Variants in KIF20B observed in about 807,000 individuals in gnomAD.
The protein encoded by KIF20B is kinesin family member 20B.
KIF20B carries 188 observed loss-of-function variants against 232.5 expected under a neutral mutation model. The ratio of observed to expected loss-of-function variants is 0.81; its 90% CI spans 0.72 to 0.91. The LOEUF is 0.91. Among genes scored for constraint, KIF20B ranks in the 40% least tolerant of loss-of-function variants. KIF20B has a pLI of 0.00. For synonymous variants in KIF20B, 712 were observed against 683.0 expected, an observed-to-expected ratio of 1.04 and a Z score of -0.66; for missense variants, 2,154 against 2,055.9, an observed-to-expected ratio of 1.05 and a Z score of -0.92.
chr10:89,716,392 C>T (rs1454120888), intron 8 of KIF20B, 44 bp from the exon 9 acceptor site: 1 of 833,958 alleles, frequency 1.2e-6, no homozygotes, highest in East Asian at 2.7e-5. Context: ...AGAACACATT[C>T]TTTGTCTCAA....
intron 29 of KIF20B, among the ~76,000 whole-genome samples, chr10:89,767,820 A>G (rs985087645): frequency 1.3e-5 from 2 of 152,056 alleles, no homozygotes; most frequent in Non-Finnish European, 2.9e-5. Context: ...AGATGCTTGT[A>G]TTATTTGGGA....
At chr10:89,724,775 C>T (rs1185394297) in intron 14 of KIF20B, among the ~76,000 whole-genome samples, 3 of 151,958 alleles carry the variant, frequency 2.0e-5, no homozygotes, top group Admixed American at 6.6e-5. Context: ...CACCACCACG[C>T]CCAGCTAATT....
At chr10:89,773,278 A>T (rs1842503050) in intron 32 of KIF20B, among the ~76,000 whole-genome samples, 1 of 152,018 alleles carries the variant, frequency 6.6e-6, no homozygotes, top group South Asian at 2.1e-4. Context: ...TCTATGATTC[A>T]TTCTCCTGAT....
intron 11 of KIF20B, among the ~76,000 whole-genome samples, chr10:89,718,120 G>A (rs573123620): frequency 6.6e-6 from 1 of 152,240 alleles, no homozygotes; most frequent in African/African-American, 2.4e-5. Context: ...TCTATTTAGG[G>A]TGTTTCATGA....
chr10:89,716,062 A>G (rs1842928034), intron 8 of KIF20B, among the ~76,000 whole-genome samples: 1 of 152,288 alleles, frequency 6.6e-6, no homozygotes, highest in South Asian at 2.1e-4. Context: ...ATCTGATTTT[A>G]TGATTCACTA....
chr10:89,739,220 T>A, intron 21 of KIF20B, 124 bp downstream of exon 21: 1 of 1,061,820 alleles, frequency 9.4e-7, no homozygotes. Context: ...TTTCTTAAAA[T>A]TACAAGAACA....
intron 23 of KIF20B, among the ~76,000 whole-genome samples, chr10:89,749,592 C>G (rs1259029960): frequency 6.6e-6 from 1 of 152,182 alleles, no homozygotes; most frequent in African/African-American, 2.4e-5. Flanking sequence ...CAGCTCCTAT[C>G]AGCCACTAAT....
At chr10:89,724,152 T>G in intron 14 of KIF20B, 49 bp downstream of exon 14, 1 of 1,398,892 alleles carries the variant, frequency 7.1e-7, no homozygotes, top group Admixed American at 2.8e-5. Flanking sequence ...TTTTATTTAG[T>G]TTTTTAGTTT....
chr10:89,741,831 C>T (rs896990672), intron 21 of KIF20B, among the ~76,000 whole-genome samples: 1 of 152,346 alleles, frequency 6.6e-6, no homozygotes, highest in East Asian at 1.9e-4. Flanking sequence ...CTTTGCCTAG[C>T]ATATCCACAT....
At chr10:89,745,299 C>G (rs372668594) in intron 22 of KIF20B, among the ~76,000 whole-genome samples, 1 of 152,162 alleles carries the variant, frequency 6.6e-6, no homozygotes, top group Non-Finnish European at 1.5e-5. Context: ...CCGAGGCAGA[C>G]GGATCACAAG....
At chr10:89,733,087 T>TA in intron 19 of KIF20B, 31 bp downstream of exon 19, 1 of 1,610,872 alleles carries the variant, frequency 6.2e-7, no homozygotes, top group South Asian at 1.1e-5. Context: ...AGCAGGCGTT[T>TA]AAGAAAGCTA....
chr10:89,746,708 T>C (rs1053692038), intron 23 of KIF20B, among the ~76,000 whole-genome samples: 1 of 152,228 alleles, frequency 6.6e-6, no homozygotes, highest in African/African-American at 2.4e-5. Context: ...CCTGCCTTTC[T>C]GTACCCAGCA....
At chr10:89,708,426 G>A (rs1436541782) in intron 2 of KIF20B, among the ~76,000 whole-genome samples, 2 of 152,112 alleles carry the variant, frequency 1.3e-5, no homozygotes, top group African/African-American at 4.8e-5. Flanking sequence ...GGTCAGGCTG[G>A]TCTCGAACTC....
At chr10:89,740,233 CTTTT>C (rs35967236) in intron 21 of KIF20B, among the ~76,000 whole-genome samples, 4 of 135,264 alleles carry the variant, frequency 3.0e-5, no homozygotes, top group African/African-American at 5.5e-5. Context: ...ATTGTGCTGT[CTTTT>C]TTTTTTTTTT....
At chr10:89,737,113 A>G (rs1041609150) in intron 19 of KIF20B, among the ~76,000 whole-genome samples, 28 of 152,108 alleles carry the variant, frequency 1.8e-4, no homozygotes, top group Non-Finnish European at 5.9e-5. Flanking sequence ...ATAGCTGGTA[A>G]TGCTACTCAG....
At chr10:89,758,082 G>A (rs1589880318) in intron 26 of KIF20B, among the ~76,000 whole-genome samples, 2 of 151,696 alleles carry the variant, frequency 1.3e-5, no homozygotes, top group South Asian at 2.1e-4. Flanking sequence ...TAGATGATTT[G>A]CATCTCCATA....
intron 17 of KIF20B, among the ~76,000 whole-genome samples, chr10:89,728,098 C>T (rs1236906338): frequency 6.6e-6 from 1 of 152,010 alleles, no homozygotes; most frequent in Non-Finnish European, 1.5e-5. Flanking sequence ...TTTATCCTTT[C>T]AAAAAGCTGA....
rs767379483 is a variant in KIF20B at position 89,772,737 on chromosome 10, A to G, written c.5291A>G (p.Glu1764Gly). 6.2e-6 allele frequency: 10 copies of G among 1,607,014 alleles called. No individual in the cohort carries two copies. The highest frequency in any genetic ancestry group is 8.5e-6 in the Non-Finnish European group (10 of 1,174,964). ...AGCTCTTCAAAGCTCTCAAATGTAG[A>G]AGCAAGTAAAGAAAATGTGTCTCAA... Reference protein sequence around the residue: ...TMSSSKLSNVEASKENVSQPK... With the variant: ...TMSSSKLSNVGASKENVSQPK... Residue 1764 changes from glutamate (E) to glycine (G), a missense_variant, in exon 32 of 33, where the codon GAA (glutamate) becomes GGA (glycine). Transcript: ENST00000371728.
intron 1 of KIF20B, among the ~76,000 whole-genome samples, chr10:89,703,889 A>T (rs1013529467): frequency 4.0e-5 from 6 of 151,264 alleles, no homozygotes; most frequent in African/African-American, 1.5e-4. Context: ...AGTAGCTGGG[A>T]CTACAGGCGC....
Sources: allele counts gnomAD v4.1 joint callset (sites outside exome capture counted in the v4.1 genomes callset), GRCh38; gene constraint gnomAD v4.1.1; transcripts MANE v1.5; gene names NCBI Gene and HGNC (gene_info 2026-07-23, HGNC 2026-07-21).